Variants in MAP2K2 observed in about 807,000 individuals in gnomAD.
MAP2K2 encodes dual specificity mitogen-activated protein kinase kinase 2.
Under a neutral mutation model 43.7 loss-of-function variants are expected in MAP2K2, and 24 were observed. That is an observed-to-expected ratio of 0.55 (90% CI 0.40 to 0.77). The LOEUF (loss-of-function observed/expected upper bound fraction) is 0.77, where lower values mean the gene tolerates loss of function less well. Ranked by LOEUF, MAP2K2 falls within the 30% of genes least tolerant of loss-of-function variation. The probability of loss-of-function intolerance (pLI) is 0.00; values close to 1 mark genes in which losing one functional copy is unlikely to be tolerated. For missense variants in MAP2K2, 470 were observed against 566.8 expected (o/e 0.83, Z 1.73); for synonymous variants, 244 against 239.7 (o/e 1.02, Z -0.17).
intron 3 of MAP2K2, 55 bp downstream of exon 3, chr19:4,110,454 A>C (rs1393953515): frequency 6.2e-5 from 99 of 1,605,360 alleles, no homozygotes; most frequent in Non-Finnish European, 8.3e-5. Flanking sequence ...CCTTCTCCCC[A>C]ACATGCTCTG....
At chr19:4,117,360 C>T (rs769010553) in intron 2 of MAP2K2, 59 bp downstream of exon 2, 150 of 1,538,406 alleles carry the variant, frequency 9.8e-5, no homozygotes, top group Non-Finnish European at 1.3e-4. Context: ...AACCTGCCTC[C>T]TGTTTCCAGG....
rs1351286497 is a variant in MAP2K2 at position 4,102,374 on chromosome 19, A to C, written c.528+2T>G. ...CGCGATGTGGGTCTGCGGTGGACTC[A>C]CCGCGATGCTGACTTTCCCCAGGAT... is the stretch of plus-strand genomic sequence containing the variant. On this transcript the variant is annotated splice_donor_variant, in intron 4 of 10. Coordinates refer to ENST00000262948, the MANE Select transcript of MAP2K2 (RefSeq NM_030662.4). LOFTEE classifies it high-confidence loss of function. 1.3e-6 allele frequency: 2 copies of C among 1,596,116 alleles called. No homozygotes were observed. The highest frequency in any genetic ancestry group is 1.1e-5 in the South Asian group (1 of 88,330).
chr19:4,117,694 T>C lies in MAP2K2; in HGVS notation c.93-65A>G. The stretch of plus-strand genomic sequence containing the variant: ...AGACTCCATCTGGCCGTTTGCTATG[T>C]GGCCGTGGTGCATCGGCCCCCAGGA... On this transcript the variant is annotated intron_variant, in intron 1 of 10. Coordinates refer to ENST00000262948, the MANE Select transcript of MAP2K2 (RefSeq NM_030662.4). The C allele has an allele frequency of 3.4e-6, 5 of 1,466,560 alleles. No homozygotes were observed. The Admixed American group carries it at 8.4e-5, about 25-fold the overall frequency. 90.8% of individuals were successfully genotyped at this position (1,466,560 alleles called of 1,614,324 possible).
chr19:4,116,479 A>G (rs1482039644), intron 2 of MAP2K2, among the ~76,000 whole-genome samples: 6 of 151,904 alleles, frequency 3.9e-5, no homozygotes, highest in African/African-American at 1.5e-4. Flanking sequence ...GCAGTGAGCC[A>G]AGATCGCACC....
At chr19:4,108,143 T>C (rs963370011) in intron 3 of MAP2K2, among the ~76,000 whole-genome samples, 6 of 152,212 alleles carry the variant, frequency 3.9e-5, no homozygotes, top group East Asian at 1.9e-4. Flanking sequence ...CCGGCGAGGA[T>C]GGCAGGGATG....
rs145731335 is a variant in MAP2K2, at chr19:4,101,610, G to A, written c.529-330C>T. Among the ~76,000 whole-genome samples, 29 of 152,310 alleles carry A rather than the reference G, an allele frequency of 1.9e-4. No homozygotes were observed. Among genetic ancestry groups the A allele is most frequent in the Middle Eastern group, 6.8e-3 (2 of 294 alleles). ...GCCCGGGAGTAGGCTGGGCTGCCGA[G>A]TTTGCCCACATCAGCCTGAAAGGCA... On this transcript the variant is annotated intron_variant, in intron 4 of 10. Coordinates refer to ENST00000262948, the MANE Select transcript of MAP2K2 (RefSeq NM_030662.4). The surrounding 1 kb of genome is among the most constrained non-coding windows in gnomAD (Gnocchi z 6.3).
chr19:4,094,406 T>TGGCA (rs1220537428), intron 10 of MAP2K2, 47 bp downstream of exon 10: 1 of 1,543,794 alleles, frequency 6.5e-7, no homozygotes, highest in Non-Finnish European at 8.8e-7. Flanking sequence ...GGGGCCTGGG[T>TGGCA]GGCAGCCTGC....
Position 4,099,752 on chromosome 19 carries a change from A to G in MAP2K2, c.706-338T>C, listed in dbSNP as rs563944440. 33 of 354,022 alleles carry G rather than the reference A, an allele frequency of 9.3e-5. No homozygotes were observed. In the Admixed American group the frequency reaches 1.2e-3, roughly 13 times the overall value. 21.9% of individuals were successfully genotyped at this position (354,022 alleles called of 1,614,324 possible). A position where few individuals can be genotyped will look rare whatever the true frequency, so the allele number is the denominator to read the frequency against. ...ATCTCAGAGGCTGCTCCAAGGCTCA[A>G]TTTGGCAGGTTGCTGAATCCCCAGT... On this transcript the variant is annotated intron_variant, in intron 6 of 10. Coordinates refer to ENST00000262948, the MANE Select transcript of MAP2K2 (RefSeq NM_030662.4).
At chr19:4,110,413 C>T (rs2145069093) in intron 3 of MAP2K2, 96 bp downstream of exon 3, 1 of 1,498,522 alleles carries the variant, frequency 6.7e-7, no homozygotes, top group South Asian at 1.1e-5. Flanking sequence ...CGCACTGTTG[C>T]CTCTGAGGAA....
chr19:4,114,331 C>T (rs901716947), intron 2 of MAP2K2, among the ~76,000 whole-genome samples: 4 of 152,158 alleles, frequency 2.6e-5, no homozygotes, highest in South Asian at 4.1e-4. Flanking sequence ...AATGAGAACA[C>T]GCGTCAAAGG....
intron 3 of MAP2K2, chr19:4,103,378 G>C (rs1294060073): frequency 8.0e-6 from 4 of 497,634 alleles, no homozygotes; most frequent in Admixed American, 1.3e-4. Context: ...AGCCACCCAA[G>C]GTGCCTCTTC....
At position 4,101,849 on chromosome 19, in the gene MAP2K2, C is replaced by T. The variant is rs560424233; in HGVS notation, c.528+527G>A. On this transcript the variant is annotated intron_variant, in intron 4 of 10. Coordinates refer to ENST00000262948, the MANE Select transcript of MAP2K2 (RefSeq NM_030662.4). The surrounding 1 kb of genome is among the most constrained non-coding windows in gnomAD (Gnocchi z 6.3). ...TTAATCCAACACTGGTATGGGCAGG[C>T]GGGACTCGGCCCCTGCTATGGACAA... Among the ~76,000 whole-genome samples the T allele has an allele frequency of 4.5e-4, 68 of 152,266 alleles. No individual in the cohort carries two copies. The highest frequency in any genetic ancestry group is 7.2e-4 in the Non-Finnish European group (49 of 68,018).
chr19:4,111,212 G>A (rs1465421976), intron 2 of MAP2K2, among the ~76,000 whole-genome samples: 2 of 152,184 alleles, frequency 1.3e-5, no homozygotes, highest in Non-Finnish European at 2.9e-5. Context: ...CTGTGGTGAT[G>A]AGGACGATGC....
chr19:4,115,299 G>A lies in MAP2K2; in HGVS notation c.303+2120C>T, dbSNP rs1047477777. ...CAAAGGCCCCGATCTCCCTTTCCCC[G>A]CTACAGTAAAGCTGCAGGTGGGCCC... On this transcript the variant is annotated intron_variant, in intron 2 of 10. Transcript: ENST00000262948. This position sits in a 1 kb window ranked among gnomAD's most constrained non-coding sequence, Gnocchi z 4.1. Among the ~76,000 whole-genome samples the A allele has an allele frequency of 1.3e-5, 2 of 152,050 alleles. No individual in the cohort carries two copies. Among genetic ancestry groups the A allele is most frequent in the African/African-American group, 2.4e-5 (1 of 41,390 alleles).
At chr19:4,103,488 T>C (rs2041044250) in intron 3 of MAP2K2, 1 of 105,310 alleles carries the variant, frequency 9.5e-6, no homozygotes, top group Non-Finnish European at 2.4e-5. Context: ...GTCTCTTCTG[T>C]GCTCAGCAGA....
intron 2 of MAP2K2, among the ~76,000 whole-genome samples, chr19:4,114,794 C>T (rs1196925995): frequency 2.6e-5 from 4 of 152,128 alleles, no homozygotes; most frequent in Non-Finnish European, 4.4e-5. Flanking sequence ...ACTAAAAATA[C>T]AAACATTAGC....
chr19:4,117,529 C>T lies in MAP2K2; in HGVS notation c.193G>A (p.Gly65Ser), dbSNP rs774875456. 3 of 1,614,034 alleles carry T rather than the reference C, an allele frequency of 1.9e-6. No homozygotes were observed. The highest frequency in any genetic ancestry group is 4.5e-5 in the East Asian group (2 of 44,898). Residue 65 changes from glycine (G) to serine (S), a missense_variant, in exon 2 of 11, where the codon GGC becomes AGC. Coordinates refer to ENST00000262948, the MANE Select transcript of MAP2K2 (RefSeq NM_030662.4). ...EAFLTQKAKV[G>S]ELKDDDFERI... is the part of the protein sequence containing the mutation. ...TCGAAGTCATCGTCTTTGAGTTCGCCGACCTTGGCTTTCTGGGTGAGAAAG... is the reference window on the plus strand; with the variant it reads ...TCGAAGTCATCGTCTTTGAGTTCGCTGACCTTGGCTTTCTGGGTGAGAAAG...
intron 2 of MAP2K2, 99 bp from the exon 3 acceptor site, chr19:4,110,754 A>G (rs2041144580): frequency 7.6e-7 from 1 of 1,307,412 alleles, no homozygotes; most frequent in African/African-American, 1.4e-5. Context: ...ACAGTGGTCA[A>G]GACCAACTCA....
rs350915 is a variant in MAP2K2, at chr19:4,095,584, T to C, written c.985-135A>G. 1,544 of 654,376 alleles carry C rather than the reference T, an allele frequency of 2.4e-3. 4 individuals are homozygous for C. Among genetic ancestry groups the C allele is most frequent in the Middle Eastern group, 4.0e-3 (10 of 2,508 alleles). The allele number at this position is 654,376 out of a possible 1,614,324, so 40.5% of individuals were successfully genotyped here. Reference sequence around the variant, plus strand: ...GGCCGACACCACATGCCAACTGGGCTGCACCCTGTCAGAGGTGGCCTTCTC... The same window carrying C: ...GGCCGACACCACATGCCAACTGGGCCGCACCCTGTCAGAGGTGGCCTTCTC... On this transcript the variant is annotated intron_variant, in intron 8 of 10. Transcript: ENST00000262948.
Sources: allele counts gnomAD v4.1 joint callset (sites outside exome capture counted in the v4.1 genomes callset), GRCh38; gene constraint gnomAD v4.1.1; non-coding constraint Gnocchi (gnomAD v3.1); transcripts MANE v1.5; gene names NCBI Gene and HGNC (gene_info 2026-07-23, HGNC 2026-07-21).